Variants in DNMBP observed in about 807,000 individuals in gnomAD.
DNMBP encodes dynamin binding protein.
In DNMBP, 87 loss-of-function variants were observed where a neutral mutation model predicts 150.0. That is an observed-to-expected ratio of 0.58 (90% CI 0.49 to 0.69). The LOEUF is 0.69. Ranked by LOEUF, DNMBP falls within the 30% of genes least tolerant of loss-of-function variation. The probability of loss-of-function intolerance (pLI) is 0.00; values close to 1 mark genes in which losing one functional copy is unlikely to be tolerated. For synonymous variants in DNMBP, 711 were observed against 750.4 expected (o/e 0.95, Z 0.86); for missense variants, 1,774 against 1,949.0 (o/e 0.91, Z 1.69).
intron 1 of DNMBP, among the ~76,000 whole-genome samples, chr10:99,997,800 C>T (rs1233446683): frequency 1.3e-5 from 2 of 151,564 alleles, no homozygotes; most frequent in Non-Finnish European, 2.9e-5. Context: ...TGGTGGCTCA[C>T]ACCCATAATT....
chr10:99,896,538 A>G, intron 9 of DNMBP, 141 bp from the exon 10 acceptor site: 1 of 809,334 alleles, frequency 1.2e-6, no homozygotes, highest in Non-Finnish European at 2.0e-6. Context: ...ATAATGATTT[A>G]TGGACAGACA....
chr10:99,893,965 A>G (rs2039614465), intron 11 of DNMBP, among the ~76,000 whole-genome samples: 1 of 152,080 alleles, frequency 6.6e-6, no homozygotes, highest in African/African-American at 2.4e-5. Context: ...CAGTTTAAAA[A>G]CTTTTTTTTT....
intron 4 of DNMBP, chr10:99,914,087 C>A: frequency 7.1e-7 from 1 of 1,400,926 alleles, no homozygotes; most frequent in Non-Finnish European, 9.3e-7. Context: ...TTCCCCCAGG[C>A]TTCCCACATT....
intron 4 of DNMBP, among the ~76,000 whole-genome samples, chr10:99,949,253 G>GTA (rs1314881733): frequency 6.6e-6 from 1 of 152,132 alleles, no homozygotes; most frequent in Non-Finnish European, 1.5e-5. Flanking sequence ...TCCCTACTAT[G>GTA]TATAGAACAT....
intron 1 of DNMBP, among the ~76,000 whole-genome samples, chr10:99,980,992 TA>T (rs1028427841): frequency 6.6e-6 from 1 of 151,886 alleles, no homozygotes; most frequent in Non-Finnish European, 1.5e-5. Context: ...TTTAGGAAGA[TA>T]AAAAAAGTTC....
chr10:99,946,514 A>T (rs7074019), intron 4 of DNMBP, among the ~76,000 whole-genome samples: 4 of 151,964 alleles, frequency 2.6e-5, no homozygotes, highest in African/African-American at 7.3e-5. Context: ...CAATGGGGAA[A>T]GAATTCTCTA....
At chr10:99,922,799 G>A (rs184774576) in intron 4 of DNMBP, among the ~76,000 whole-genome samples, 4 of 152,158 alleles carry the variant, frequency 2.6e-5, no homozygotes, top group African/African-American at 7.2e-5. Context: ...TAATTTACTC[G>A]AAAGCTTCAG....
At chr10:99,891,350 G>T (rs1385251993) in intron 11 of DNMBP, among the ~76,000 whole-genome samples, 4 of 151,106 alleles carry the variant, frequency 2.6e-5, no homozygotes, top group Non-Finnish European at 3.0e-5. Context: ...CGCCTGACTG[G>T]TTTTGGTGGA....
chr10:99,929,871 C>T (rs1436264982), intron 4 of DNMBP: 3 of 702,954 alleles, frequency 4.3e-6, no homozygotes, highest in Admixed American at 4.0e-5. Flanking sequence ...TATGTCAGTG[C>T]CATTATACTC....
At chr10:99,921,067 C>T (rs577380904) in intron 4 of DNMBP, among the ~76,000 whole-genome samples, 1 of 152,246 alleles carries the variant, frequency 6.6e-6, no homozygotes. Flanking sequence ...ACATCACTTA[C>T]TATGGGAGGC....
intron 12 of DNMBP, among the ~76,000 whole-genome samples, chr10:99,887,743 C>G (rs921484073): frequency 1.3e-5 from 2 of 152,156 alleles, no homozygotes; most frequent in Non-Finnish European, 2.9e-5. Flanking sequence ...CTATCAAACC[C>G]CATCCAGTTT....
At chr10:99,882,009 G>T (rs1590207960) in intron 15 of DNMBP, among the ~76,000 whole-genome samples, 2 of 152,112 alleles carry the variant, frequency 1.3e-5, no homozygotes, top group East Asian at 3.8e-4. Flanking sequence ...CCCCCAGCAG[G>T]GTCAGCACCC....
chr10:99,973,115 A>T, intron 1 of DNMBP, among the ~76,000 whole-genome samples: 1 of 129,662 alleles, frequency 7.7e-6, no homozygotes. Flanking sequence ...ATTTATTTGT[A>T]GAGATGAGAT....
intron 1 of DNMBP, among the ~76,000 whole-genome samples, chr10:100,005,397 G>A (rs1291702403): frequency 6.6e-6 from 1 of 152,086 alleles, no homozygotes; most frequent in African/African-American, 2.4e-5. Context: ...AACAGCATGG[G>A]GTATAAATGC....
intron 1 of DNMBP, among the ~76,000 whole-genome samples, chr10:99,981,336 C>G (rs1019889924): frequency 6.6e-6 from 1 of 152,066 alleles, no homozygotes; most frequent in Non-Finnish European, 1.5e-5. Context: ...TATGCACCAC[C>G]ACACCCAGCT....
intron 11 of DNMBP, among the ~76,000 whole-genome samples, chr10:99,891,384 A>G (rs1315012600): frequency 2.6e-4 from 39 of 151,606 alleles, no homozygotes; most frequent in Admixed American, 1.6e-3. Context: ...TGTGTTGGCC[A>G]GGCCGGTCTC....
At position 99,879,084 on chromosome 10, in the gene DNMBP, C is replaced by CAAAAAAAAA. The variant is rs71009780; in HGVS notation, c.4548+718_4548+726dup. ...TGGGCGACAGAGCAAGACTCTGTCT[C>CAAAAAAAAA]AAAAAAAAAAAAAAAAACCCAAAAC... On this transcript the variant is annotated intron_variant, in intron 16 of 16. Transcript: ENST00000324109. 5.9e-4 allele frequency among the ~76,000 whole-genome samples: 37 copies of CAAAAAAAAA among 62,398 alleles called. 2 individuals carry two copies. The highest frequency in any genetic ancestry group is 1.2e-3 in the African/African-American group (15 of 12,222). 40.9% of individuals were successfully genotyped at this position (62,398 alleles called of 152,430 possible).
chr10:99,888,687 C>T, intron 12 of DNMBP, 138 bp downstream of exon 12: 1 of 985,634 alleles, frequency 1.0e-6, no homozygotes, highest in Admixed American at 2.8e-5. Context: ...GAATATCAAA[C>T]CCCAATATGA....
chr10:99,891,264 G>A (rs1317211579), intron 11 of DNMBP, among the ~76,000 whole-genome samples: 1 of 142,190 alleles, frequency 7.0e-6, no homozygotes, highest in African/African-American at 2.7e-5. Flanking sequence ...CTGCCATCTC[G>A]GCTCACTGCA....
Sources: gnomAD v4.1 joint callset for allele counts (sites outside exome capture counted in the v4.1 genomes callset) on GRCh38, gnomAD v4.1.1 for gene constraint, MANE v1.5 for transcripts, NCBI Gene and HGNC (gene_info 2026-07-23, HGNC 2026-07-21) for gene names.